The following ETFDH variants were observed in gnomAD, a reference collection of about 807,000 sequenced individuals.
The protein encoded by ETFDH is electron transfer flavoprotein-ubiquinone oxidoreductase, mitochondrial.
In ETFDH, 61 loss-of-function variants were observed where a neutral mutation model predicts 73.2. The ratio of observed to expected loss-of-function variants is 0.83; its 90% confidence interval spans 0.68 to 1.03. The LOEUF is 1.03. ETFDH is among the 50% of genes least tolerant of loss of function. ETFDH has a pLI of 0.00. For missense variants in ETFDH, 685 were observed against 745.0 expected, an observed-to-expected ratio of 0.92 and a Z score of 0.94; for synonymous variants, 243 against 253.3, an observed-to-expected ratio of 0.96 and a Z score of 0.39.
At chr4:158,698,583 A>G (rs1240279276) in intron 8 of ETFDH, among the ~76,000 whole-genome samples, 1 of 152,198 alleles carries the variant, frequency 6.6e-6, no homozygotes, top group Non-Finnish European at 1.5e-5. Flanking sequence ...TGTATAATAA[A>G]TCATTACAGC....
At chr4:158,694,962 C>G (rs776617255) in intron 6 of ETFDH, among the ~76,000 whole-genome samples, 3 of 152,100 alleles carry the variant, frequency 2.0e-5, no homozygotes, top group Non-Finnish European at 4.4e-5. Flanking sequence ...GTTAGCCCTG[C>G]AGAACTCACA....
chr4:158,684,860 C>A, intron 4 of ETFDH, 187 bp downstream of exon 4: 2 of 625,920 alleles, frequency 3.2e-6, no homozygotes, highest in South Asian at 2.0e-5. Flanking sequence ...GTCTTCCAGT[C>A]TAGAAGAATT....
chr4:158,684,535 A>G, intron 3 of ETFDH, 57 bp from the exon 4 acceptor site: 2 of 980,190 alleles, frequency 2.0e-6, no homozygotes, highest in Non-Finnish European at 1.6e-6. Context: ...TTTTGTATTT[A>G]TATTTACACT....
rs752262349 is a variant in ETFDH, at chr4:158,685,165, C to T, written c.552C>T (p.Gly184=). The T allele has an allele frequency of 1.1e-5, 18 of 1,612,648 alleles. No individual in the cohort carries two copies. In the East Asian group the frequency reaches 1.8e-4, roughly 16 times the overall value. ...TGGGACATTTAGTGAGCTGGATGGG[C>T]GAACAAGCAGAAGCCCTTGGTGTTG... ...VRLGHLVSWM[G]EQAEALGVEV... Residue 184 remains glycine (G), a synonymous_variant, in exon 5 of 13, where the codon GGC becomes GGT. Transcript: ENST00000511912.
chr4:158,699,660 T>C (rs183724948), intron 9 of ETFDH, among the ~76,000 whole-genome samples: 5 of 152,246 alleles, frequency 3.3e-5, no homozygotes, highest in Non-Finnish European at 5.9e-5. Flanking sequence ...AAATAAAAAC[T>C]GTAATCCATA....
chr4:158,703,793 A>G (rs1407551622), intron 10 of ETFDH, among the ~76,000 whole-genome samples: 1 of 152,244 alleles, frequency 6.6e-6, no homozygotes, highest in African/African-American at 2.4e-5. Context: ...TCACATCAAA[A>G]AAGTAGAAAA....
chr4:158,673,446 C>G (rs900123134), intron 1 of ETFDH, among the ~76,000 whole-genome samples: 2 of 152,122 alleles, frequency 1.3e-5, no homozygotes, highest in Admixed American at 6.6e-5. Flanking sequence ...CAGAAAAGTT[C>G]CCTAAAGGAT....
rs778154689 is a variant in ETFDH at position 158,680,625 on chromosome 4, T to G, written c.175+18T>G. 3 of 1,600,210 alleles carry G rather than the reference T, an allele frequency of 1.9e-6. No individual in the cohort carries two copies. Among genetic ancestry groups the G allele is most frequent in the South Asian group, 1.1e-5 (1 of 90,730 alleles). ...ATGGGAAGGTAAGTAATAATTTGTG[T>G]ACAATTCCTGAGACTTTTCTGGATA... On this transcript the variant is annotated intron_variant, in intron 2 of 12. Transcript: ENST00000511912.
chr4:158,679,993 GA>G (rs1336995222), intron 1 of ETFDH: 1 of 145,162 alleles, frequency 6.9e-6, no homozygotes, highest in African/African-American at 2.5e-5. Context: ...GCTGAGGCGT[GA>G]GAATCGCTTG....
At position 158,708,793 on chromosome 4, in the gene ETFDH, T is replaced by C; in HGVS notation, c.*266T>C. 1 of 380,984 alleles carries C rather than the reference T, an allele frequency of 2.6e-6. No homozygotes were observed. The highest frequency in any genetic ancestry group is 3.1e-5 in the South Asian group (1 of 31,908). The allele number at this position is 380,984 out of a possible 1,614,324, so 23.6% of individuals were successfully genotyped here. A position where few individuals can be genotyped will look rare whatever the true frequency, so the allele number is the denominator to read the frequency against. ...CCAAGAGCAAAATTCACTACTGGAC[T>C]TTACATTTGACTTGCCAAAGTTAAG... On this transcript the variant is annotated 3_prime_UTR_variant, in exon 13 of 13. Coordinates refer to ENST00000511912, the MANE Select transcript of ETFDH (RefSeq NM_004453.4).
intron 12 of ETFDH, among the ~76,000 whole-genome samples, chr4:158,707,146 C>T (rs958514994): frequency 6.6e-6 from 1 of 151,962 alleles, no homozygotes; most frequent in East Asian, 1.9e-4. Context: ...TCATTTCTGT[C>T]ATGGCAGCTC....
intron 9 of ETFDH, among the ~76,000 whole-genome samples, chr4:158,702,166 T>TA: frequency 6.6e-6 from 1 of 152,126 alleles, no homozygotes; most frequent in South Asian, 2.1e-4. Flanking sequence ...TTTTTTTTTT[T>TA]TATATGCCCT....
chr4:158,682,916 A>G (rs1773902282), intron 3 of ETFDH, among the ~76,000 whole-genome samples: 1 of 152,198 alleles, frequency 6.6e-6, no homozygotes, highest in Non-Finnish European at 1.5e-5. Flanking sequence ...GATATTAACA[A>G]ATATTTTTGT....
chr4:158,676,841 G>A (rs978345268), intron 1 of ETFDH, among the ~76,000 whole-genome samples: 15 of 151,974 alleles, frequency 9.9e-5, no homozygotes, highest in African/African-American at 1.7e-4. Flanking sequence ...CTTATTGGCC[G>A]TTTGTATATC....
At chr4:158,690,909 T>A (rs1026400358) in intron 6 of ETFDH, among the ~76,000 whole-genome samples, 2 of 151,118 alleles carry the variant, frequency 1.3e-5, no homozygotes, top group African/African-American at 4.9e-5. Context: ...TAAATAAAAA[T>A]TTTTAAAATG....
chr4:158,707,014 A>G (rs1672389151), intron 12 of ETFDH, among the ~76,000 whole-genome samples, 164 bp downstream of exon 12: 1 of 152,016 alleles, frequency 6.6e-6, no homozygotes, highest in African/African-American at 2.4e-5. Context: ...TGGTTTTGTT[A>G]AGCCTAGTTC....
chr4:158,692,464 C>T (rs1429622553), intron 6 of ETFDH, among the ~76,000 whole-genome samples: 1 of 149,144 alleles, frequency 6.7e-6, no homozygotes, highest in East Asian at 2.0e-4. Flanking sequence ...AGTGGTTTAA[C>T]TGACCCCATC....
intron 3 of ETFDH, among the ~76,000 whole-genome samples, chr4:158,684,001 C>T (rs1773934397): frequency 6.6e-6 from 1 of 152,158 alleles, no homozygotes; most frequent in African/African-American, 2.4e-5. Context: ...CTAACCTCTC[C>T]ACAGAGACAA....
chr4:158,706,274 C>G lies in ETFDH; in HGVS notation c.1371C>G (p.Ser457=), dbSNP rs749280294. 11 of 1,611,556 alleles carry G rather than the reference C, an allele frequency of 6.8e-6. No homozygotes were observed. The East Asian group carries it at 2.0e-4, about 29-fold the overall frequency. ...ATTCTGTTAGAAATATAAGACCGTC[C>G]TGCCACGGAGTACTGGGTGTATATG... ...ELYSVRNIRP[S]CHGVLGVYGG... is the part of the protein sequence containing the mutation. Residue 457 remains serine, a synonymous_variant, in exon 11 of 13, where the codon TCC becomes TCG. Coordinates refer to ENST00000511912, the MANE Select transcript of ETFDH (RefSeq NM_004453.4).
Sources: gnomAD v4.1 joint callset for allele counts (sites outside exome capture counted in the v4.1 genomes callset) on GRCh38, gnomAD v4.1.1 for gene constraint, MANE v1.5 for transcripts, NCBI Gene and HGNC (gene_info 2026-07-23, HGNC 2026-07-21) for gene names.